The following LRIG2 variants were observed in gnomAD, a reference collection of about 807,000 sequenced individuals.
LRIG2 encodes the protein leucine-rich repeats and immunoglobulin-like domains protein 2.
Under a neutral mutation model 107.8 loss-of-function variants are expected in LRIG2, and 93 were observed. The observed-to-expected ratio is 0.86, with a 90% CI of 0.73 to 1.03. The LOEUF is 1.03. LRIG2 is among the 50% of genes least tolerant of loss of function. The probability of loss-of-function intolerance (pLI) is 0.00; values close to 1 mark genes in which losing one functional copy is unlikely to be tolerated. For synonymous variants in LRIG2, 471 were observed against 470.6 expected (o/e 1.00, Z -0.01); for missense variants, 1,226 against 1,296.0 (o/e 0.95, Z 0.83).
At position 113,130,280 on chromosome 1, in the gene LRIG2, T is replaced by C. The variant is rs2101082707; in HGVS notation, c.*6179T>C. ...CCCTAAAGTGCCAACTCAGAATAAC[T>C]TTCATGTTTAAAAACAGCTGTCTTC... On this transcript the variant is annotated 3_prime_UTR_variant, in exon 18 of 18. Coordinates refer to ENST00000361127, the MANE Select transcript of LRIG2 (RefSeq NM_014813.3). 6.6e-6 allele frequency: 1 copy of C among 152,290 alleles called. No individual in the cohort carries two copies. Among genetic ancestry groups the C allele is most frequent in the East Asian group, 1.9e-4 (1 of 5,188 alleles). The allele number at this position is 152,290 out of a possible 1,614,324, so 9.4% of individuals were successfully genotyped here.
chr1:113,087,427 C>T (rs866496661), intron 1 of LRIG2, among the ~76,000 whole-genome samples: 1 of 152,192 alleles, frequency 6.6e-6, no homozygotes, highest in South Asian at 2.1e-4. Flanking sequence ...CAGCTCACTG[C>T]AACCTCCACC....
intron 1 of LRIG2, among the ~76,000 whole-genome samples, chr1:113,084,048 C>A (rs1653424059): frequency 7.4e-6 from 1 of 135,950 alleles, no homozygotes; most frequent in Admixed American, 7.9e-5. Flanking sequence ...TAATATTGGC[C>A]TTATCCCAGT....
chr1:113,079,874 C>T (rs915275784), intron 1 of LRIG2, among the ~76,000 whole-genome samples: 1 of 150,056 alleles, frequency 6.7e-6, no homozygotes, highest in Non-Finnish European at 1.5e-5. Context: ...GGATTACAGG[C>T]GCCCACCACC....
chr1:113,105,592 A>G (rs1377622395), intron 11 of LRIG2, among the ~76,000 whole-genome samples: 1 of 152,212 alleles, frequency 6.6e-6, no homozygotes, highest in Non-Finnish European at 1.5e-5. Context: ...TAAAGTAACC[A>G]AAAGCAACCA....
chr1:113,097,187 A>C (rs11804212), intron 8 of LRIG2, among the ~76,000 whole-genome samples: 10 of 146,204 alleles, frequency 6.8e-5, no homozygotes, highest in African/African-American at 2.7e-4. Flanking sequence ...ATTTATATAT[A>C]AATATATCTA....
chr1:113,092,064 C>G (rs1653850798), intron 2 of LRIG2, among the ~76,000 whole-genome samples: 1 of 152,232 alleles, frequency 6.6e-6, no homozygotes, highest in Admixed American at 6.5e-5. Flanking sequence ...TCTGCATTCT[C>G]TCCTCCTGGC....
chr1:113,126,050 C>G lies in LRIG2; in HGVS notation c.*1949C>G, dbSNP rs1655474233. 1 of 152,184 alleles carries G rather than the reference C, an allele frequency of 6.6e-6. No homozygotes were observed. The highest frequency in any genetic ancestry group is 6.5e-5 in the Admixed American group (1 of 15,282). The allele number at this position is 152,184 out of a possible 1,614,324, so 9.4% of individuals were successfully genotyped here. A position where few individuals can be genotyped will look rare whatever the true frequency, so the allele number is the denominator to read the frequency against. ...CCTACTATCACAATCAGGACTATGACTGGATTTCTCAGTCTCAGTGCCCCA... is the reference window on the plus strand; with the variant it reads ...CCTACTATCACAATCAGGACTATGAGTGGATTTCTCAGTCTCAGTGCCCCA... On this transcript the variant is annotated 3_prime_UTR_variant, in exon 18 of 18. Coordinates refer to ENST00000361127, the MANE Select transcript of LRIG2 (RefSeq NM_014813.3).
intron 1 of LRIG2, among the ~76,000 whole-genome samples, chr1:113,076,995 G>A (rs1316978495): frequency 6.6e-6 from 1 of 151,992 alleles, no homozygotes; most frequent in Non-Finnish European, 1.5e-5. Context: ...CCAATGATGT[G>A]TTGTCTTGGT....
chr1:113,104,263 C>T (rs1439805249), intron 11 of LRIG2, among the ~76,000 whole-genome samples: 1 of 152,200 alleles, frequency 6.6e-6, no homozygotes. Context: ...CTCCATCCAT[C>T]TGTCCACCCA....
Position 113,131,422 on chromosome 1 carries a change from T to TA in LRIG2, c.*7322dup, listed in dbSNP as rs1203867020. On this transcript the variant is annotated 3_prime_UTR_variant, in exon 18 of 18. Transcript: ENST00000361127. ...AACAGAGGTAAATTTGCTGTCATTT[T>TA]ATGCCACATCCTCTTTTCTTACTTT... 1 of 152,254 alleles carries TA rather than the reference T, an allele frequency of 6.6e-6. No individual in the cohort carries two copies. Among genetic ancestry groups the TA allele is most frequent in the Non-Finnish European group, 1.5e-5 (1 of 68,054 alleles). The allele number at this position is 152,254 out of a possible 1,614,324, so 9.4% of individuals were successfully genotyped here.
chr1:113,106,751 C>T (rs961710668), intron 11 of LRIG2, among the ~76,000 whole-genome samples: 2 of 152,112 alleles, frequency 1.3e-5, no homozygotes, highest in Non-Finnish European at 2.9e-5. Flanking sequence ...GTGATCCGCC[C>T]GCCTCTGCCT....
Position 113,114,795 on chromosome 1 carries a change from G to T in LRIG2, c.2449G>T (p.Val817Phe). 6.2e-7 allele frequency: 1 copy of T among 1,614,144 alleles called. No individual in the cohort carries two copies. Among genetic ancestry groups the T allele is most frequent in the Non-Finnish European group, 8.5e-7 (1 of 1,180,028 alleles). ...GIVIIVVVCC[V>F]VGTSLIWVIV... ...TGTCATCATTGTTGTGGTCTGCTGT[G>T]TTGTTGGCACTTCTTTGATCTGGGT... The change falls in exon 15 of 18, where the codon GTT (valine) becomes TTT (phenylalanine). Residue 817 changes from valine (V) to phenylalanine (F), a missense_variant. Physicochemically the swap from Val to Phe is conservative, Grantham distance 50. Around this residue, in one of 3 missense-constraint regions of LRIG2, gnomAD observed 642 missense variants for 712.2 expected, o/e 0.90. Coordinates refer to ENST00000361127, the MANE Select transcript of LRIG2 (RefSeq NM_014813.3).
chr1:113,096,281 T>C lies in LRIG2; in HGVS notation c.1007T>C (p.Leu336Ser). Residue 336 changes from leucine to serine, a missense_variant, in exon 8 of 18, where the codon TTA becomes TCA. Around this residue, in one of 3 missense-constraint regions of LRIG2, gnomAD observed 570 missense variants for 550.2 expected, o/e 1.04. Coordinates refer to ENST00000361127, the MANE Select transcript of LRIG2 (RefSeq NM_014813.3). Reference protein sequence around the residue: ...LDESAFVGLSLLERLNLGDNR... With the variant: ...LDESAFVGLSSLERLNLGDNR... ...GAATCTGCCTTTGTGGGTCTGAGCT[T>C]ATTGGAGAGATTGAATTTAGGAGAC... 1 of 1,614,174 alleles carries C rather than the reference T, an allele frequency of 6.2e-7. No individual in the cohort carries two copies. Among genetic ancestry groups the C allele is most frequent in the Non-Finnish European group, 8.5e-7 (1 of 1,180,012 alleles).
intron 1 of LRIG2, among the ~76,000 whole-genome samples, chr1:113,076,475 A>G (rs1007864820): frequency 6.6e-6 from 1 of 152,246 alleles, no homozygotes; most frequent in African/African-American, 2.4e-5. Context: ...TGACATTTTC[A>G]GTTGAAGTGA....
intron 1 of LRIG2, among the ~76,000 whole-genome samples, chr1:113,088,225 C>T (rs542151708): frequency 9.9e-5 from 15 of 152,198 alleles, no homozygotes; most frequent in African/African-American, 3.6e-4. Context: ...TGTTTGAAAG[C>T]ATATATCCTT....
At chr1:113,108,240 T>G (rs930197494) in intron 12 of LRIG2, among the ~76,000 whole-genome samples, 2 of 151,696 alleles carry the variant, frequency 1.3e-5, no homozygotes, top group Non-Finnish European at 2.9e-5. Flanking sequence ...TTTTTTTTTT[T>G]TCTAATGGAG....
At chr1:113,094,299 T>G in intron 4 of LRIG2, 40 bp from the exon 5 acceptor site, 4 of 1,519,558 alleles carry the variant, frequency 2.6e-6, no homozygotes, top group Non-Finnish European at 3.6e-6. Flanking sequence ...ATTTTTATTT[T>G]ACTAAATTTT....
At chr1:113,081,131 G>A (rs909676812) in intron 1 of LRIG2, among the ~76,000 whole-genome samples, 1 of 152,022 alleles carries the variant, frequency 6.6e-6, no homozygotes, top group Non-Finnish European at 1.5e-5. Context: ...ATGAGCCACC[G>A]CGCCTGGCCC....
rs1337157898 is a variant in LRIG2 at position 113,073,259 on chromosome 1, C to G, written c.-148C>G. ...CGTCGACCCCGCTGTCGCGCTGCGT[C>G]TGCTCCTTGCATGCCTTTAGATGGT... is the stretch of plus-strand genomic sequence containing the variant. On this transcript the variant is annotated 5_prime_UTR_variant, in exon 1 of 18. Coordinates refer to ENST00000361127, the MANE Select transcript of LRIG2 (RefSeq NM_014813.3). 1 of 696,276 alleles carries G rather than the reference C, an allele frequency of 1.4e-6. No individual in the cohort carries two copies. Among genetic ancestry groups the G allele is most frequent in the Non-Finnish European group, 2.5e-6 (1 of 399,482 alleles). The allele number at this position is 696,276 out of a possible 1,614,324, so 43.1% of individuals were successfully genotyped here.
Sources: allele counts gnomAD v4.1 joint callset (sites outside exome capture counted in the v4.1 genomes callset), GRCh38; gene constraint gnomAD v4.1.1; regional missense constraint gnomAD v4.1.1; transcripts MANE v1.5; gene names NCBI Gene and HGNC (gene_info 2026-07-23, HGNC 2026-07-21).